DIS3L2: variants seen among roughly 807,000 people sequenced by gnomAD.
DIS3L2 encodes the protein DIS3-like exonuclease 2.
DIS3L2 carries 34 observed loss-of-function variants against 97.5 expected under a neutral mutation model. The observed-to-expected ratio is 0.35, with a 90% CI of 0.27 to 0.46. The LOEUF (loss-of-function observed/expected upper bound fraction) is 0.46. Among genes scored for constraint, DIS3L2 ranks in the 20% least tolerant of loss-of-function variants. The pLI, the probability that DIS3L2 is intolerant of heterozygous loss-of-function variation, is 1.00. For synonymous variants in DIS3L2, 435 were observed against 445.2 expected, an observed-to-expected ratio of 0.98 and a Z score of 0.29; for missense variants, 1,038 against 1,146.0, an observed-to-expected ratio of 0.91 and a Z score of 1.36.
chr2:232,140,797 C>A (rs1408475062), intron 8 of DIS3L2, among the ~76,000 whole-genome samples: 1 of 152,080 alleles, frequency 6.6e-6, no homozygotes, highest in Non-Finnish European at 1.5e-5. Context: ...TTGGAGACTT[C>A]CAGTTGTTAT....
At chr2:232,275,402 C>T (rs551922291) in intron 13 of DIS3L2, among the ~76,000 whole-genome samples, 4 of 152,316 alleles carry the variant, frequency 2.6e-5, no homozygotes, top group South Asian at 4.1e-4. Flanking sequence ...TTTAGTGGGG[C>T]ATCACTCGGC....
At chr2:232,323,389 C>A (rs1483667763) in intron 14 of DIS3L2, among the ~76,000 whole-genome samples, 3 of 152,224 alleles carry the variant, frequency 2.0e-5, no homozygotes, top group African/African-American at 7.2e-5. Context: ...GCCACTGGGG[C>A]TCCCTTTGGC....
At chr2:232,273,732 G>A (rs939758370) in intron 13 of DIS3L2, among the ~76,000 whole-genome samples, 1 of 152,172 alleles carries the variant, frequency 6.6e-6, no homozygotes. Context: ...GAGCATGGTG[G>A]AAGGGGCACT....
intron 9 of DIS3L2, among the ~76,000 whole-genome samples, chr2:232,165,040 G>A (rs530906252): frequency 1.6e-4 from 25 of 152,124 alleles, no homozygotes; most frequent in Non-Finnish European, 3.4e-4. Flanking sequence ...CATTTTAAAT[G>A]TACCTACTCC....
intron 5 of DIS3L2, among the ~76,000 whole-genome samples, chr2:232,084,129 T>G (rs1023715438): frequency 4.6e-5 from 7 of 152,172 alleles, no homozygotes; most frequent in African/African-American, 1.7e-4. Context: ...ATCGGATTCT[T>G]TTTCTGCTGT....
At chr2:232,062,022 A>T (rs533835180) in intron 5 of DIS3L2, among the ~76,000 whole-genome samples, 6 of 152,182 alleles carry the variant, frequency 3.9e-5, no homozygotes, top group Middle Eastern at 3.4e-3. Context: ...ATATTTTTTT[A>T]AAATTAGGTC....
At chr2:231,993,790 G>A (rs1261902857) in intron 1 of DIS3L2, among the ~76,000 whole-genome samples, 2 of 146,128 alleles carry the variant, frequency 1.4e-5, no homozygotes, top group African/African-American at 5.1e-5. Context: ...GGTCTTCTTA[G>A]AAGAGCTCTA....
intron 1 of DIS3L2, among the ~76,000 whole-genome samples, chr2:231,991,660 A>G (rs1246096742): frequency 1.3e-5 from 2 of 152,196 alleles, no homozygotes; most frequent in East Asian, 1.9e-4. Flanking sequence ...GCATTAGGGT[A>G]TATTGCCAAA....
At position 232,281,519 on chromosome 2, in the gene DIS3L2, T is replaced by G. The variant is rs1694284229; in HGVS notation, c.1659+18079T>G. Among the ~76,000 whole-genome samples, 1 of 152,158 alleles carries G rather than the reference T, an allele frequency of 6.6e-6. No individual in the cohort carries two copies. Among genetic ancestry groups the G allele is most frequent in the Non-Finnish European group, 1.5e-5 (1 of 68,020 alleles). ...TAGAAAGATCTCTTTGGCAGCTCTG[T>G]AGAGAATGAGTTGGAAGGGGTCAAG... On this transcript the variant is annotated intron_variant, in intron 13 of 20. Transcript: ENST00000325385. This position sits in a 1 kb window ranked among gnomAD's most constrained non-coding sequence, Gnocchi z 4.1.
chr2:232,333,764 T>TTAA, intron 16 of DIS3L2, 76 bp from the exon 17 acceptor site: 16 of 1,444,504 alleles, frequency 1.1e-5, no homozygotes, highest in Admixed American at 4.7e-5. Context: ...ACGGTGAGGC[T>TTAA]GTGGGTGGTG....
chr2:232,070,130 C>T (rs1695969570), intron 5 of DIS3L2, among the ~76,000 whole-genome samples: 1 of 152,234 alleles, frequency 6.6e-6, no homozygotes, highest in South Asian at 2.1e-4. Context: ...ATAATTATTC[C>T]TCCTGTGAAC....
At chr2:232,315,338 A>C (rs1373170049) in intron 14 of DIS3L2, among the ~76,000 whole-genome samples, 2 of 152,242 alleles carry the variant, frequency 1.3e-5, no homozygotes, top group Non-Finnish European at 2.9e-5. Flanking sequence ...CAGGCCACAG[A>C]GGTCTGAGAT....
At chr2:232,136,908 G>C (rs1370935277) in intron 8 of DIS3L2, among the ~76,000 whole-genome samples, 189 bp downstream of exon 8, 1 of 152,162 alleles carries the variant, frequency 6.6e-6, no homozygotes, top group Admixed American at 6.5e-5. Flanking sequence ...TATGTTCCTT[G>C]AATTACCAGG....
At chr2:232,173,522 G>A (rs1321715418) in intron 9 of DIS3L2, among the ~76,000 whole-genome samples, 5 of 152,108 alleles carry the variant, frequency 3.3e-5, no homozygotes, top group African/African-American at 7.2e-5. Flanking sequence ...ATGAGCCACC[G>A]TGCCTGGCCA....
chr2:231,967,319 A>T (rs929417921), intron 1 of DIS3L2, among the ~76,000 whole-genome samples: 9 of 152,308 alleles, frequency 5.9e-5, no homozygotes, highest in East Asian at 1.9e-4. Flanking sequence ...CTCTAATGAA[A>T]TTGGATTGTT....
chr2:232,232,294 G>T (rs1692815623), intron 10 of DIS3L2, among the ~76,000 whole-genome samples: 1 of 152,232 alleles, frequency 6.6e-6, no homozygotes, highest in South Asian at 2.1e-4. Context: ...TGCGTGCTCA[G>T]GGCAGCAGGG....
rs1559196647 is a variant in DIS3L2 at position 232,293,164 on chromosome 2, G to A, written c.1660-6876G>A. Among the ~76,000 whole-genome samples the A allele has an allele frequency of 6.6e-6, 1 of 152,096 alleles. No homozygotes were observed. The highest frequency in any genetic ancestry group is 1.5e-5 in the Non-Finnish European group (1 of 68,032). ...AAGTATCTAGTGAGCATTGTTGAGGGAAGGAGCTTGTGCCTCTTGAGGGTG... is the reference window on the plus strand; with the variant it reads ...AAGTATCTAGTGAGCATTGTTGAGGAAAGGAGCTTGTGCCTCTTGAGGGTG... On this transcript the variant is annotated intron_variant, in intron 13 of 20. Coordinates refer to ENST00000325385, the MANE Select transcript of DIS3L2 (RefSeq NM_152383.5). This position sits in a 1 kb window ranked among gnomAD's most constrained non-coding sequence, Gnocchi z 4.6.
At chr2:232,018,013 C>T (rs1428046234) in intron 3 of DIS3L2, among the ~76,000 whole-genome samples, 1 of 152,132 alleles carries the variant, frequency 6.6e-6, no homozygotes, top group East Asian at 1.9e-4. Flanking sequence ...TTGCTTAATA[C>T]ATTTATATTG....
At chr2:232,324,248 G>A (rs1432560873) in intron 14 of DIS3L2, among the ~76,000 whole-genome samples, 3 of 152,222 alleles carry the variant, frequency 2.0e-5, no homozygotes, top group Non-Finnish European at 4.4e-5. Context: ...GTGTGCCCAA[G>A]TGTGGAAAAT....
Sources: allele counts gnomAD v4.1 joint callset (sites outside exome capture counted in the v4.1 genomes callset), GRCh38; gene constraint gnomAD v4.1.1; non-coding constraint Gnocchi (gnomAD v3.1); transcripts MANE v1.5; gene names NCBI Gene and HGNC (gene_info 2026-07-23, HGNC 2026-07-21).